Variants in DDX39B observed in about 807,000 individuals in gnomAD.
DDX39B encodes DExD-box helicase 39B, also known as spliceosome RNA helicase DDX39B.
A neutral mutation model predicts 46.4 loss-of-function variants in DDX39B; 6 were observed. The ratio of observed to expected loss-of-function variants is 0.13; its 90% CI spans 0.07 to 0.26. DDX39B has a LOEUF of 0.26. Among genes scored for constraint, DDX39B ranks in the 10% least tolerant of loss-of-function variants. The pLI, the probability that DDX39B is intolerant of heterozygous loss-of-function variation, is 1.00. For missense variants in DDX39B, 185 were observed against 553.4 expected (o/e 0.33, Z 6.68); for synonymous variants, 174 against 199.4 (o/e 0.87, Z 1.07).
chr6:31,531,480 A>C lies in DDX39B; in HGVS notation c.868-75T>G. 2 of 1,296,966 alleles carry C rather than the reference A, an allele frequency of 1.5e-6. No individual in the cohort carries two copies. The highest frequency in any genetic ancestry group is 2.2e-6 in the Non-Finnish European group (2 of 902,854). The allele number at this position is 1,296,966 out of a possible 1,614,324, so 80.3% of individuals were successfully genotyped here. ...TGGTGTGTGAGAGACATTACGTGGG[A>C]GAGGGGAGTTTCTAGTAATTACGTT... On this transcript the variant is annotated intron_variant, in intron 7 of 10. Coordinates refer to ENST00000396172, the MANE Select transcript of DDX39B (RefSeq NM_004640.7). This position sits in a 1 kb window ranked among gnomAD's most constrained non-coding sequence, Gnocchi z 5.8.
chr6:31,530,405 A>T lies in DDX39B; in HGVS notation c.*29T>A. On this transcript the variant is annotated 3_prime_UTR_variant, in exon 11 of 11. Transcript: ENST00000396172. This position sits in a 1 kb window ranked among gnomAD's most constrained non-coding sequence, Gnocchi z 4.5. The stretch of plus-strand genomic sequence containing the variant: ...CCTGGTGTCCTCTCCTGAAGGACAG[A>T]CGGTCACATTCCAAAATGGGCGAGT... 1 of 1,612,678 alleles carries T rather than the reference A, an allele frequency of 6.2e-7. No individual in the cohort carries two copies. The highest frequency in any genetic ancestry group is 8.5e-7 in the Non-Finnish European group (1 of 1,179,824).
chr6:31,534,958 G>T lies in DDX39B; in HGVS notation c.735+409C>A, dbSNP rs6915692. The T allele has an allele frequency of 3.7e-6, 1 of 267,766 alleles. No homozygotes were observed. The highest frequency in any genetic ancestry group is 7.4e-6 in the Non-Finnish European group (1 of 135,396). 16.6% of individuals were successfully genotyped at this position (267,766 alleles called of 1,614,324 possible). Reference sequence around the variant, plus strand: ...CTTGCTCTCCTGCCACCGGGAAGTAGGAGTTTTGGTGAGCAGAAGGCTCCA... The same window carrying T: ...CTTGCTCTCCTGCCACCGGGAAGTATGAGTTTTGGTGAGCAGAAGGCTCCA... On this transcript the variant is annotated intron_variant, in intron 6 of 10. Transcript: ENST00000396172. This position sits in a 1 kb window ranked among gnomAD's most constrained non-coding sequence, Gnocchi z 5.1.
chr6:31,530,792 G>A lies in DDX39B; in HGVS notation c.1257C>T (p.Asp419=). Reference sequence around the variant, plus strand: ...ATCAGTACTCACTGTAGGAGGAGATGTCTATCTCATCAGGCAGCTCACTAA... The same window carrying A: ...ATCAGTACTCACTGTAGGAGGAGATATCTATCTCATCAGGCAGCTCACTAA... ...VNISELPDEI[D]ISSYIEQTR Residue 419 remains aspartate (D), a synonymous_variant, in exon 10 of 11, where the codon GAC becomes GAT. Transcript: ENST00000396172. The surrounding 1 kb of genome is among the most constrained non-coding windows in gnomAD (Gnocchi z 4.5). 6.2e-7 allele frequency: 1 copy of A among 1,612,610 alleles called. No individual in the cohort carries two copies. Among genetic ancestry groups the A allele is most frequent in the South Asian group, 1.1e-5 (1 of 91,082 alleles).
chr6:31,532,069 C>T (rs1767229993), intron 7 of DDX39B, among the ~76,000 whole-genome samples: 1 of 152,188 alleles, frequency 6.6e-6, no homozygotes, highest in African/African-American at 2.4e-5. Context: ...TGGGCTCAAG[C>T]AATGCTCCTG....
intron 5 of DDX39B, chr6:31,536,262 AAT>A: frequency 1.6e-6 from 1 of 631,894 alleles, no homozygotes; most frequent in South Asian, 1.7e-5. Context: ...TTATGCCTAA[AAT>A]TATCAAAGTC....
In DDX39B at chr6:31,531,562, G is replaced by T. The variant is rs951571944; in HGVS notation, c.868-157C>A. The T allele has an allele frequency of 4.4e-6, 3 of 684,238 alleles. No homozygotes were observed. The highest frequency in any genetic ancestry group is 3.6e-5 in the African/African-American group (2 of 55,306). 42.4% of individuals were successfully genotyped at this position (684,238 alleles called of 1,614,324 possible). A position where few individuals can be genotyped will look rare whatever the true frequency, so the allele number is the denominator to read the frequency against. On this transcript the variant is annotated intron_variant, in intron 7 of 10. Coordinates refer to ENST00000396172, the MANE Select transcript of DDX39B (RefSeq NM_004640.7). This position sits in a 1 kb window ranked among gnomAD's most constrained non-coding sequence, Gnocchi z 5.8. ...CCCACTATATATTTAGAGCAGAAAA[G>T]GAAATATAACTTTACTTCAGCACTG...
chr6:31,531,474 C>G lies in DDX39B; in HGVS notation c.868-69G>C. 1 of 1,378,556 alleles carries G rather than the reference C, an allele frequency of 7.3e-7. No homozygotes were observed. The allele number at this position is 1,378,556 out of a possible 1,614,324, so 85.4% of individuals were successfully genotyped here. ...GGTCCATGGTGTGTGAGAGACATTA[C>G]GTGGGAGAGGGGAGTTTCTAGTAAT... is the stretch of plus-strand genomic sequence containing the variant. On this transcript the variant is annotated intron_variant, in intron 7 of 10. Coordinates refer to ENST00000396172, the MANE Select transcript of DDX39B (RefSeq NM_004640.7). The surrounding 1 kb of genome is among the most constrained non-coding windows in gnomAD (Gnocchi z 5.8).
rs1767015750 is a variant in DDX39B at position 31,530,368 on chromosome 6, C to T, written c.*66G>A. On this transcript the variant is annotated 3_prime_UTR_variant, in exon 11 of 11. Coordinates refer to ENST00000396172, the MANE Select transcript of DDX39B (RefSeq NM_004640.7). The surrounding 1 kb of genome is among the most constrained non-coding windows in gnomAD (Gnocchi z 4.5). Reference sequence around the variant, plus strand: ...TCAGGGGTGGGGGCAGTAGTGTCTCCTTCACCCCCACCCTGGTGTCCTCTC... The same window carrying T: ...TCAGGGGTGGGGGCAGTAGTGTCTCTTTCACCCCCACCCTGGTGTCCTCTC... 1.9e-6 allele frequency: 3 copies of T among 1,598,516 alleles called. No individual in the cohort carries two copies. The Admixed American group carries it at 5.0e-5, about 27-fold the overall frequency.
At chr6:31,538,572 A>G (rs899027766) in intron 4 of DDX39B, among the ~76,000 whole-genome samples, 191 bp downstream of exon 4, 10 of 152,176 alleles carry the variant, frequency 6.6e-5, no homozygotes, top group African/African-American at 2.2e-4. Context: ...AAGTAGTAAG[A>G]AAAGGGTGGT....
chr6:31,534,855 C>A lies in DDX39B; in HGVS notation c.735+512G>T. ...ATTGAGGTGCCAAAGGCCCCCACCC[C>A]TGGAGGTGGGGAAGGGGAGGATTCA... is the stretch of plus-strand genomic sequence containing the variant. On this transcript the variant is annotated intron_variant, in intron 6 of 10. Transcript: ENST00000396172. The surrounding 1 kb of genome is among the most constrained non-coding windows in gnomAD (Gnocchi z 5.1). 1 of 264,898 alleles carries A rather than the reference C, an allele frequency of 3.8e-6. No individual in the cohort carries two copies. Among genetic ancestry groups the A allele is most frequent in the Non-Finnish European group, 7.5e-6 (1 of 132,656 alleles). 16.4% of individuals were successfully genotyped at this position (264,898 alleles called of 1,614,324 possible).
chr6:31,540,253 G>C (rs994957138), intron 2 of DDX39B, 69 bp downstream of exon 2: 4 of 1,528,458 alleles, frequency 2.6e-6, no homozygotes, highest in Admixed American at 1.7e-5. Context: ...CCTGAGCAAC[G>C]ACAAACACAT....
rs974381756 is a variant in DDX39B at position 31,540,671 on chromosome 6, G to C, written c.-132-7C>G. ...ACTATTTCTAACAGAAGAGCTGGAG[G>C]GGGGAAAAAAAAAAGCAAGACTTAA... On this transcript the variant is annotated splice_region_variant and splice_polypyrimidine_tract_variant and intron_variant, in intron 1 of 10. Coordinates refer to ENST00000396172, the MANE Select transcript of DDX39B (RefSeq NM_004640.7). The C allele has an allele frequency of 1.0e-5, 7 of 684,520 alleles. No homozygotes were observed. Among genetic ancestry groups the C allele is most frequent in the African/African-American group, 3.2e-5 (1 of 31,278 alleles). The allele number at this position is 684,520 out of a possible 1,614,324, so 42.4% of individuals were successfully genotyped here.
rs1279238893 is a variant in DDX39B at position 31,538,972 on chromosome 6, A to C, written c.340-117T>G. On this transcript the variant is annotated intron_variant, in intron 3 of 10. Transcript: ENST00000396172. Reference sequence around the variant, plus strand: ...GATAATAAATGACTTCAATTATGTGATCTAAATCATGAACCCCACGCTTGC... The same window carrying C: ...GATAATAAATGACTTCAATTATGTGCTCTAAATCATGAACCCCACGCTTGC... 3.4e-6 allele frequency: 5 copies of C among 1,472,180 alleles called. No homozygotes were observed. In the Admixed American group the frequency reaches 5.0e-5, roughly 15 times the overall value. 91.2% of individuals were successfully genotyped at this position (1,472,180 alleles called of 1,614,324 possible). A position where few individuals can be genotyped will look rare whatever the true frequency, so the allele number is the denominator to read the frequency against.
Position 31,530,402 on chromosome 6 carries a change from C to A in DDX39B, c.*32G>T. The stretch of plus-strand genomic sequence containing the variant: ...CACCCTGGTGTCCTCTCCTGAAGGA[C>A]AGACGGTCACATTCCAAAATGGGCG... On this transcript the variant is annotated 3_prime_UTR_variant, in exon 11 of 11. Transcript: ENST00000396172. The surrounding 1 kb of genome is among the most constrained non-coding windows in gnomAD (Gnocchi z 4.5). The A allele has an allele frequency of 3.1e-6, 5 of 1,612,532 alleles. No homozygotes were observed. Among genetic ancestry groups the A allele is most frequent in the Non-Finnish European group, 4.2e-6 (5 of 1,179,738 alleles).
At chr6:31,541,355 G>C (rs958603999) in intron 1 of DDX39B, 1 of 378,248 alleles carries the variant, frequency 2.6e-6, no homozygotes, top group Non-Finnish European at 5.4e-6. Flanking sequence ...ATAGGTGACA[G>C]AGAAAGGCAA....
chr6:31,541,036 A>G, intron 1 of DDX39B: 1 of 509,514 alleles, frequency 2.0e-6, no homozygotes, highest in South Asian at 1.4e-5. Context: ...GAGTCCTGAA[A>G]AGTCCTCAAA....
intron 4 of DDX39B, 27 bp from the exon 5 acceptor site, chr6:31,536,710 A>C (rs1369884685): frequency 1.2e-6 from 2 of 1,608,470 alleles, no homozygotes; most frequent in Non-Finnish European, 1.7e-6. Context: ...AAAGAGTCTC[A>C]AAACAGAGGA....
chr6:31,530,595 G>A lies in DDX39B; in HGVS notation c.1271-145C>T. On this transcript the variant is annotated intron_variant, in intron 10 of 10. Transcript: ENST00000396172. This position sits in a 1 kb window ranked among gnomAD's most constrained non-coding sequence, Gnocchi z 4.5. ...TGAGGGAAGGGATGTAATATGATGA[G>A]AGAAGACAAGACACCCCACATAAAG... 2.5e-6 allele frequency: 3 copies of A among 1,190,492 alleles called. No individual in the cohort carries two copies. Among genetic ancestry groups the A allele is most frequent in the Non-Finnish European group, 3.4e-6 (3 of 884,238 alleles). 73.7% of individuals were successfully genotyped at this position (1,190,492 alleles called of 1,614,324 possible). A position where few individuals can be genotyped will look rare whatever the true frequency, so the allele number is the denominator to read the frequency against.
Position 31,534,512 on chromosome 6 carries a change from A to G in DDX39B, c.735+855T>C. ...TTTCCTATGTCCCTCTCCTCTGAGT[A>G]TTAAAAAAAACAAAAAAATTTTTTT... On this transcript the variant is annotated intron_variant, in intron 6 of 10. Transcript: ENST00000396172. This position sits in a 1 kb window ranked among gnomAD's most constrained non-coding sequence, Gnocchi z 5.1. The G allele has an allele frequency of 2.1e-6, 1 of 470,192 alleles. No homozygotes were observed. The highest frequency in any genetic ancestry group is 1.6e-5 in the South Asian group (1 of 64,294). The allele number at this position is 470,192 out of a possible 1,614,324, so 29.1% of individuals were successfully genotyped here.
Sources: gnomAD v4.1 joint callset for allele counts (sites outside exome capture counted in the v4.1 genomes callset) on GRCh38, gnomAD v4.1.1 for gene constraint, Gnocchi (gnomAD v3.1) non-coding constraint, MANE v1.5 for transcripts, NCBI Gene and HGNC (gene_info 2026-07-23, HGNC 2026-07-21) for gene names.